MEAK7: variants seen among roughly 807,000 people sequenced by gnomAD.
The protein encoded by MEAK7 is MTOR associated protein MEAK7.
A neutral mutation model predicts 40.5 loss-of-function variants in MEAK7; 68 were observed. The ratio of observed to expected loss-of-function variants is 1.68; its 90% CI spans 1.38 to 2.06. The LOEUF is 2.06. Among genes scored for constraint, MEAK7 ranks in the 30% most tolerant of loss-of-function variants. The pLI is 0.00. For synonymous variants in MEAK7, 338 were observed against 231.9 expected (o/e 1.46, Z -4.16); for missense variants, 918 against 580.5 (o/e 1.58, Z -5.98).
rs1423302789 is a variant in MEAK7 at position 84,477,026 on chromosome 16, G to C, written c.*2887C>G. ...CACACCTCAGCCTCCCAAGTAGCTAGGACCACAGGCATGTGTTACCATGCC... is the reference window on the plus strand; with the variant it reads ...CACACCTCAGCCTCCCAAGTAGCTACGACCACAGGCATGTGTTACCATGCC... On this transcript the variant is annotated 3_prime_UTR_variant, in exon 8 of 8. Transcript: ENST00000343629. 6.6e-6 allele frequency: 1 copy of C among 151,868 alleles called. No homozygotes were observed. Among genetic ancestry groups the C allele is most frequent in the Non-Finnish European group, 1.5e-5 (1 of 68,024 alleles). 9.4% of individuals were successfully genotyped at this position (151,868 alleles called of 1,614,324 possible).
In MEAK7 at chr16:84,501,330, G is replaced by A. The variant is rs899335755; in HGVS notation, c.-25-3219C>T. 3.9e-5 allele frequency among the ~76,000 whole-genome samples: 6 copies of A among 151,908 alleles called. No homozygotes were observed. The East Asian group carries it at 7.8e-4, about 20-fold the overall frequency. On this transcript the variant is annotated intron_variant, in intron 1 of 7. Coordinates refer to ENST00000343629, the MANE Select transcript of MEAK7 (RefSeq NM_020947.4). ...GAGGCAAGGGTGGAACTCAGGGCAC[G>A]TGGGGGAGGGCAGCAGAGGGCTGCA... is the stretch of plus-strand genomic sequence containing the variant.
chr16:84,484,550 T>C (rs1385279812), intron 5 of MEAK7, among the ~76,000 whole-genome samples: 1 of 152,196 alleles, frequency 6.6e-6, no homozygotes, highest in Non-Finnish European at 1.5e-5. Context: ...GTATAATCAG[T>C]TCTTCTTTCC....
intron 7 of MEAK7, 93 bp from the exon 8 acceptor site, chr16:84,480,119 C>G: frequency 2.9e-6 from 3 of 1,043,156 alleles, no homozygotes; most frequent in South Asian, 3.4e-5. Context: ...TGGGTGGAAT[C>G]AGGCTCCGGT....
At chr16:84,496,143 T>A (rs1271858767) in intron 2 of MEAK7, among the ~76,000 whole-genome samples, 1 of 152,188 alleles carries the variant, frequency 6.6e-6, no homozygotes, top group African/African-American at 2.4e-5. Flanking sequence ...CCAAGGTGAT[T>A]CCCATGGCTT....
intron 3 of MEAK7, among the ~76,000 whole-genome samples, chr16:84,491,900 T>C (rs1392525521): frequency 1.3e-5 from 2 of 152,090 alleles, no homozygotes; most frequent in Non-Finnish European, 2.9e-5. Context: ...AAGGTTATCA[T>C]ATCCATGTAA....
chr16:84,498,583 T>G (rs1914249101), intron 1 of MEAK7, among the ~76,000 whole-genome samples: 1 of 152,070 alleles, frequency 6.6e-6, no homozygotes, highest in African/African-American at 2.4e-5. Context: ...CTAATATTGT[T>G]TTGATGTGAC....
In MEAK7 at chr16:84,504,631, G is replaced by GGTCCA; in HGVS notation, c.-61_-57dup. 1.0e-6 allele frequency: 1 copy of GGTCCA among 985,600 alleles called. No individual in the cohort carries two copies. The highest frequency in any genetic ancestry group is 1.2e-6 in the Non-Finnish European group (1 of 830,022). The allele number at this position is 985,600 out of a possible 1,614,324, so 61.1% of individuals were successfully genotyped here. A position where few individuals can be genotyped will look rare whatever the true frequency, so the allele number is the denominator to read the frequency against. The stretch of plus-strand genomic sequence containing the variant: ...CGGGCTTCCTGGTGCTGTCCGGTCC[G>GGTCCA]GTCCAGCAGCCCACGGGCTCCTCTC... On this transcript the variant is annotated 5_prime_UTR_variant, in exon 1 of 8. Coordinates refer to ENST00000343629, the MANE Select transcript of MEAK7 (RefSeq NM_020947.4).
At chr16:84,503,873 G>A (rs374105009) in intron 1 of MEAK7, 3 of 944,056 alleles carry the variant, frequency 3.2e-6, no homozygotes, top group Non-Finnish European at 3.8e-6. Flanking sequence ...CTGTTACATG[G>A]CTGCTTCCCA....
In MEAK7 at chr16:84,479,684, C is replaced by T. The variant is rs1912339436; in HGVS notation, c.*229G>A. Reference sequence around the variant, plus strand: ...TTCTTGGAGAGATCCTGAGGGTGACCCTGTAGGGAAAAAAAGAAAACTTAA... The same window carrying T: ...TTCTTGGAGAGATCCTGAGGGTGACTCTGTAGGGAAAAAAAGAAAACTTAA... On this transcript the variant is annotated 3_prime_UTR_variant, in exon 8 of 8. Coordinates refer to ENST00000343629, the MANE Select transcript of MEAK7 (RefSeq NM_020947.4). 7.8e-6 allele frequency: 3 copies of T among 386,848 alleles called. No individual in the cohort carries two copies. The highest frequency in any genetic ancestry group is 1.4e-5 in the Non-Finnish European group (3 of 217,746). The allele number at this position is 386,848 out of a possible 1,614,324, so 24.0% of individuals were successfully genotyped here.
chr16:84,499,530 A>T (rs1914329765), intron 1 of MEAK7, among the ~76,000 whole-genome samples: 1 of 152,188 alleles, frequency 6.6e-6, no homozygotes, highest in African/African-American at 2.4e-5. Flanking sequence ...TTGCGATGAG[A>T]TTCACATAAA....
intron 5 of MEAK7, among the ~76,000 whole-genome samples, chr16:84,483,854 G>T (rs988885887): frequency 3.9e-5 from 6 of 152,176 alleles, no homozygotes; most frequent in African/African-American, 1.4e-4. Context: ...GGAACAGTGG[G>T]GCTTGAGAGC....
chr16:84,486,578 A>C, intron 5 of MEAK7, 53 bp downstream of exon 5: 1 of 1,528,508 alleles, frequency 6.5e-7, no homozygotes, highest in Non-Finnish European at 8.8e-7. Context: ...CTTTCTCCAG[A>C]GCTCTTTGCC....
Position 84,479,954 on chromosome 16 carries a change from G to A in MEAK7, c.1330C>T (p.Arg444Cys), listed in dbSNP as rs113746582. The change falls in exon 8 of 8, where the codon CGC becomes TGC. Residue 444 changes from arginine (R) to cysteine (C), a missense_variant. Coordinates refer to ENST00000343629, the MANE Select transcript of MEAK7 (RefSeq NM_020947.4). ...QALLEISGHS[R>C]HSEGLREVPD... ...ACTTCCCGGAGCCCTTCGCTGTGGC[G>A]CGAATGCCCACTGATCTCCAGCAGG... 3.2e-3 allele frequency: 5,191 copies of A among 1,609,612 alleles called. 16 individuals are homozygous for A. Among genetic ancestry groups the A allele is most frequent in the Non-Finnish European group, 3.9e-3 (4,607 of 1,176,922 alleles).
intron 1 of MEAK7, among the ~76,000 whole-genome samples, chr16:84,503,634 T>A (rs935766061): frequency 6.6e-6 from 1 of 152,194 alleles, no homozygotes; most frequent in Admixed American, 6.5e-5. Context: ...TTTGATCTGC[T>A]TACTGGAGGT....
intron 7 of MEAK7, 85 bp from the exon 8 acceptor site, chr16:84,480,111 G>C (rs1253451409): frequency 2.5e-5 from 28 of 1,114,558 alleles, no homozygotes; most frequent in Non-Finnish European, 3.6e-5. Context: ...AGCCTTCTTG[G>C]GTGGAATCAG....
In MEAK7 at chr16:84,489,367, A is replaced by T. The variant is rs770964817; in HGVS notation, c.440T>A (p.Leu147Gln). The T allele has an allele frequency of 3.7e-6, 6 of 1,614,170 alleles. No homozygotes were observed. The Admixed American group carries it at 1.0e-4, about 27-fold the overall frequency. ...VVHVLSHRQE[L>Q]RGWTGKEAPG... is the part of the protein sequence containing the mutation. ...GGCTTCCTTCCCAGTCCAGCCTCTCAGCTCCTGTCTGTGGCTTAGCACGTG... is the reference window on the plus strand; with the variant it reads ...GGCTTCCTTCCCAGTCCAGCCTCTCTGCTCCTGTCTGTGGCTTAGCACGTG... The change falls in exon 4 of 8, where the codon CTG becomes CAG. Residue 147 changes from leucine to glutamine, a missense_variant. Transcript: ENST00000343629.
chr16:84,487,157 T>C lies in MEAK7; in HGVS notation c.530-98A>G, dbSNP rs1336044301. ...ATCAGTGTGGGAGCCACGAGTCACA[T>C]GCAATTACTGAGCACAGAAAACAGG... On this transcript the variant is annotated intron_variant, in intron 4 of 7. Transcript: ENST00000343629. 4 of 1,240,222 alleles carry C rather than the reference T, an allele frequency of 3.2e-6. No homozygotes were observed. In the Admixed American group the frequency reaches 1.1e-4, roughly 33 times the overall value. The allele number at this position is 1,240,222 out of a possible 1,614,324, so 76.8% of individuals were successfully genotyped here.
intron 7 of MEAK7, among the ~76,000 whole-genome samples, 161 bp from the exon 8 acceptor site, chr16:84,480,187 C>G (rs1912400653): frequency 3.3e-5 from 5 of 152,154 alleles, no homozygotes. Flanking sequence ...GGAGGTATTA[C>G]AGGAGGTTCA....
intron 6 of MEAK7, among the ~76,000 whole-genome samples, chr16:84,481,683 C>T (rs1270825122): frequency 6.6e-6 from 1 of 152,174 alleles, no homozygotes; most frequent in Non-Finnish European, 1.5e-5. Context: ...CCTGTAATCC[C>T]AGCACTTTAG....
Sources: gnomAD v4.1 joint callset for allele counts (sites outside exome capture counted in the v4.1 genomes callset) on GRCh38, gnomAD v4.1.1 for gene constraint, MANE v1.5 for transcripts, NCBI Gene and HGNC (gene_info 2026-07-23, HGNC 2026-07-21) for gene names.